Variants in KBTBD12 observed in about 807,000 individuals in gnomAD.
KBTBD12 encodes the protein kelch repeat and BTB domain-containing protein 12.
In KBTBD12, 53 loss-of-function variants were observed where a neutral mutation model predicts 58.7. That is an observed-to-expected ratio of 0.90 (90% CI 0.72 to 1.14). The LOEUF (loss-of-function observed/expected upper bound fraction) is 1.14. Ranked by LOEUF, KBTBD12 falls within the 50% of genes most tolerant of loss-of-function variation. The pLI is 0.00. For missense variants in KBTBD12, 704 were observed against 751.3 expected (o/e 0.94, Z 0.74); for synonymous variants, 236 against 259.8 (o/e 0.91, Z 0.88).
intron 5 of KBTBD12, among the ~76,000 whole-genome samples, chr3:127,983,382 A>G (rs183940341): frequency 6.6e-6 from 1 of 152,224 alleles, no homozygotes; most frequent in Non-Finnish European, 1.5e-5. Context: ...ATCCCTCATG[A>G]ATAGATTAAC....
At chr3:127,922,220 G>C (rs1379379294) in intron 1 of KBTBD12, among the ~76,000 whole-genome samples, 2 of 152,174 alleles carry the variant, frequency 1.3e-5, no homozygotes, top group Middle Eastern at 6.8e-3. Flanking sequence ...CTGCCACTAT[G>C]AATTGGGGAA....
At chr3:127,971,500 T>C (rs942562522) in intron 5 of KBTBD12, among the ~76,000 whole-genome samples, 5 of 152,212 alleles carry the variant, frequency 3.3e-5, no homozygotes, top group African/African-American at 1.2e-4. Flanking sequence ...GAGACTCAAC[T>C]GCATATTCTT....
chr3:127,921,192 C>A (rs1354682810), intron 1 of KBTBD12, among the ~76,000 whole-genome samples: 1 of 152,046 alleles, frequency 6.6e-6, no homozygotes, highest in Non-Finnish European at 1.5e-5. Context: ...TCAAAATGAA[C>A]TTCAGGTGAG....
intron 5 of KBTBD12, 128 bp from the exon 6 acceptor site, chr3:127,983,969 T>G (rs760296018): frequency 1.1e-4 from 77 of 709,714 alleles, no homozygotes; most frequent in Non-Finnish European, 1.8e-4. Context: ...TCCTGGGTAT[T>G]CTGTTAACAG....
chr3:127,979,056 T>C (rs1177145047), intron 5 of KBTBD12, among the ~76,000 whole-genome samples: 1 of 152,210 alleles, frequency 6.6e-6, no homozygotes, highest in Non-Finnish European at 1.5e-5. Context: ...CCACAGAAGG[T>C]AGCCAGGAAC....
intron 5 of KBTBD12, among the ~76,000 whole-genome samples, chr3:127,967,225 C>T (rs982809548): frequency 1.3e-5 from 2 of 152,046 alleles, no homozygotes; most frequent in African/African-American, 4.8e-5. Flanking sequence ...AAAGAGTGGC[C>T]AGAATAGAAT....
In KBTBD12 at chr3:127,984,613, A is replaced by G. The variant is rs1940934616; in HGVS notation, c.*335A>G. The G allele has an allele frequency of 1.0e-5, 2 of 190,480 alleles. No individual in the cohort carries two copies. Among genetic ancestry groups the G allele is most frequent in the African/African-American group, 4.7e-5 (2 of 42,788 alleles). The allele number at this position is 190,480 out of a possible 1,614,324, so 11.8% of individuals were successfully genotyped here. Reference sequence around the variant, plus strand: ...GAGCAGACCTTTTATTGGGTCCCCAAAAGGATGAGGAGGAAGTGGTCCCAT... The same window carrying G: ...GAGCAGACCTTTTATTGGGTCCCCAGAAGGATGAGGAGGAAGTGGTCCCAT... On this transcript the variant is annotated 3_prime_UTR_variant, in exon 6 of 6. Transcript: ENST00000405109.
chr3:127,984,088 G>A lies in KBTBD12; in HGVS notation c.1691-9G>A. The A allele has an allele frequency of 6.2e-7, 1 of 1,611,198 alleles. No individual in the cohort carries two copies. The highest frequency in any genetic ancestry group is 8.5e-7 in the Non-Finnish European group (1 of 1,178,426). On this transcript the variant is annotated splice_polypyrimidine_tract_variant and intron_variant, in intron 5 of 5. Transcript: ENST00000405109. ...GAGATTTTTGTCTTCCCACTTTGCT[G>A]TTTTTCAGATCGCCATGAGGTTATC...
chr3:127,936,946 G>T (rs1939842417), intron 4 of KBTBD12, among the ~76,000 whole-genome samples: 1 of 151,978 alleles, frequency 6.6e-6, no homozygotes, highest in African/African-American at 2.4e-5. Flanking sequence ...ATACCCAAGT[G>T]GGAAAAAAGA....
intron 1 of KBTBD12, among the ~76,000 whole-genome samples, chr3:127,921,452 A>C (rs771263545): frequency 2.0e-5 from 3 of 152,180 alleles, no homozygotes; most frequent in Non-Finnish European, 4.4e-5. Context: ...TTTAGGCTAA[A>C]CTGGGATCCA....
At position 127,944,937 on chromosome 3, in the gene KBTBD12, G is replaced by A. The variant is rs893492859; in HGVS notation, c.1492+14654G>A. On this transcript the variant is annotated intron_variant, in intron 4 of 5. Transcript: ENST00000405109. The stretch of plus-strand genomic sequence containing the variant: ...TGCTCTGTTGCTCAGGCTAGAGTCC[G>A]TGGCACAATCATGGCTCACTGTAGC... Among the ~76,000 whole-genome samples, 6 of 151,194 alleles carry A rather than the reference G, an allele frequency of 4.0e-5. No homozygotes were observed. In the East Asian group the frequency reaches 5.8e-4, roughly 15 times the overall value.
At chr3:127,915,840 TATC>T (rs1284085481) in intron 1 of KBTBD12, among the ~76,000 whole-genome samples, 3 of 152,190 alleles carry the variant, frequency 2.0e-5, no homozygotes, top group Non-Finnish European at 4.4e-5. Flanking sequence ...TGCATAGTAT[TATC>T]ATCCTCCGAA....
chr3:127,976,022 T>C (rs1940776802), intron 5 of KBTBD12, among the ~76,000 whole-genome samples: 1 of 152,232 alleles, frequency 6.6e-6, no homozygotes, highest in Admixed American at 6.5e-5. Context: ...TTTTCCTAAT[T>C]TGCATTATTT....
intron 3 of KBTBD12, 28 bp downstream of exon 3, chr3:127,928,062 G>C (rs761726067): frequency 1.9e-6 from 3 of 1,593,572 alleles, no homozygotes; most frequent in Admixed American, 1.7e-5. Context: ...ATACATAATT[G>C]GCATGGCTAT....
chr3:127,959,072 G>A (rs1559770734), intron 4 of KBTBD12, among the ~76,000 whole-genome samples: 1 of 152,094 alleles, frequency 6.6e-6, no homozygotes, highest in East Asian at 1.9e-4. Flanking sequence ...TGTTTTCTAG[G>A]GTTTTAGGCA....
chr3:127,977,201 T>C (rs1940798390), intron 5 of KBTBD12, among the ~76,000 whole-genome samples: 1 of 152,246 alleles, frequency 6.6e-6, no homozygotes, highest in Admixed American at 6.5e-5. Context: ...TAGTATTCCA[T>C]GGTGTCTACC....
At chr3:127,944,861 T>G (rs1479198740) in intron 4 of KBTBD12, among the ~76,000 whole-genome samples, 1 of 152,002 alleles carries the variant, frequency 6.6e-6, no homozygotes, top group Non-Finnish European at 1.5e-5. Flanking sequence ...TTTATTCTAT[T>G]TTATTTTATT....
intron 1 of KBTBD12, among the ~76,000 whole-genome samples, chr3:127,916,051 C>T (rs1939227885): frequency 6.6e-6 from 1 of 152,192 alleles, no homozygotes; most frequent in Non-Finnish European, 1.5e-5. Flanking sequence ...AGAATAATTG[C>T]CCTACATTTT....
In KBTBD12 at chr3:127,975,055, G is replaced by A. The variant is rs552582136; in HGVS notation, c.1691-9042G>A. On this transcript the variant is annotated intron_variant, in intron 5 of 5. Coordinates refer to ENST00000405109, the MANE Select transcript of KBTBD12 (RefSeq NM_207335.4). ...TGAAACAAGGCTTTGAGTGCAAATA[G>A]TTTTTTGATGGGAAAGTGCTTCCAG... 3.9e-5 allele frequency among the ~76,000 whole-genome samples: 6 copies of A among 152,348 alleles called. No homozygotes were observed. In the East Asian group the frequency reaches 1.2e-3, roughly 29 times the overall value.
Sources: allele counts gnomAD v4.1 joint callset (sites outside exome capture counted in the v4.1 genomes callset), GRCh38; gene constraint gnomAD v4.1.1; transcripts MANE v1.5; gene names NCBI Gene and HGNC (gene_info 2026-07-23, HGNC 2026-07-21).